Variants in SLC2A2 observed in about 807,000 individuals in gnomAD.
SLC2A2 encodes solute carrier family 2 member 2.
Under a neutral mutation model 54.5 loss-of-function variants are expected in SLC2A2, and 36 were observed. The ratio of observed to expected loss-of-function variants is 0.66; its 90% confidence interval spans 0.51 to 0.87. SLC2A2 has a LOEUF of 0.87. Among genes scored for constraint, SLC2A2 ranks in the 40% least tolerant of loss-of-function variants. The pLI, the probability that SLC2A2 is intolerant of heterozygous loss-of-function variation, is 0.00. For missense variants in SLC2A2, 543 were observed against 624.3 expected (o/e 0.87, Z 1.39); for synonymous variants, 223 against 219.1 (o/e 1.02, Z -0.16).
chr3:171,005,139 A>C, intron 7 of SLC2A2, 146 bp downstream of exon 7: 1 of 716,486 alleles, frequency 1.4e-6, no homozygotes, highest in Non-Finnish European at 2.4e-6. Context: ...AATGGAAATT[A>C]ATGCTTACTC....
At chr3:171,021,856 T>C (rs1287119346) in intron 1 of SLC2A2, among the ~76,000 whole-genome samples, 1 of 152,198 alleles carries the variant, frequency 6.6e-6, no homozygotes, top group Admixed American at 6.5e-5. Flanking sequence ...CTTTCTTTCC[T>C]CTTTATAGCC....
chr3:171,007,981 C>T (rs1342912202), intron 4 of SLC2A2, among the ~76,000 whole-genome samples: 1 of 152,092 alleles, frequency 6.6e-6, no homozygotes, highest in Non-Finnish European at 1.5e-5. Context: ...ATTCTGCCTT[C>T]TGAAGCTTTC....
intron 6 of SLC2A2, 101 bp from the exon 7 acceptor site, chr3:171,005,573 A>G (rs1270222107): frequency 3.3e-6 from 3 of 896,850 alleles, no homozygotes; most frequent in South Asian, 2.9e-5. Flanking sequence ...GCCCCATTGT[A>G]TTACTTAATA....
chr3:171,019,583 G>T (rs1260733558), intron 1 of SLC2A2, among the ~76,000 whole-genome samples: 1 of 151,984 alleles, frequency 6.6e-6, no homozygotes, highest in Non-Finnish European at 1.5e-5. Context: ...ATTTTTTTGT[G>T]CATGTGATAG....
intron 4 of SLC2A2, among the ~76,000 whole-genome samples, chr3:171,009,096 G>A (rs1191043255): frequency 6.6e-6 from 1 of 152,040 alleles, no homozygotes; most frequent in East Asian, 1.9e-4. Flanking sequence ...GTGAAAATGG[G>A]TTAAAATCTC....
Position 171,005,398 on chromosome 3 carries a change from A to G in SLC2A2, c.850T>C (p.Ser284Pro). The change falls in exon 7 of 11, where the codon TCG becomes CCG. Residue 284 changes from serine (S) to proline (P), a missense_variant. Ser to Pro is a moderately conservative substitution (Grantham distance 74). Around this residue, in one of 3 missense-constraint regions of SLC2A2, gnomAD observed 318 missense variants for 343.8 expected, o/e 0.93. Transcript: ENST00000314251. The part of the protein sequence containing the change: ...NEMRKEREEA[S>P]SEQKVSIIQL... The stretch of plus-strand genomic sequence containing the variant: ...ATTATAGAGACTTTCTGCTCACTCG[A>G]TGCTTCTTCTCTTTCTTTTCTCATT... 1 of 1,612,694 alleles carries G rather than the reference A, an allele frequency of 6.2e-7. No individual in the cohort carries two copies. Among genetic ancestry groups the G allele is most frequent in the Non-Finnish European group, 8.5e-7 (1 of 1,179,176 alleles).
chr3:171,012,270 G>T (rs959852778), intron 3 of SLC2A2, among the ~76,000 whole-genome samples: 1 of 152,236 alleles, frequency 6.6e-6, no homozygotes. Context: ...ATTGCAGATG[G>T]GAGGAAAACG....
At position 170,999,093 on chromosome 3, in the gene SLC2A2, A is replaced by T. The variant is rs750782646; in HGVS notation, c.1142T>A (p.Ile381Asn). The change falls in exon 9 of 11, where the codon ATC (isoleucine) becomes AAC (asparagine). Residue 381 changes from isoleucine to asparagine, a missense_variant. Transcript: ENST00000314251. ...IGMSGMFVCA[I>N]FMSVGLVLLN... ...CAGCACAAGTCCCACTGACATGAAGATGGCACAAACAAACATCCCACTCAT... is the reference window on the plus strand; with the variant it reads ...CAGCACAAGTCCCACTGACATGAAGTTGGCACAAACAAACATCCCACTCAT... 8 of 1,612,846 alleles carry T rather than the reference A, an allele frequency of 5.0e-6. No individual in the cohort carries two copies. The Admixed American group carries it at 1.2e-4, about 24-fold the overall frequency.
chr3:171,005,281 T>G lies in SLC2A2; in HGVS notation c.963+4A>C, dbSNP rs766886215. On this transcript the variant is annotated splice_donor_region_variant and intron_variant, in intron 7 of 10. Transcript: ENST00000314251. ...TAAGAGTTAGTGGGTGTTCTTAAAC[T>G]TACGCCATTGATTCCGGAAAATTGC... 6.2e-7 allele frequency: 1 copy of G among 1,612,386 alleles called. No homozygotes were observed. The highest frequency in any genetic ancestry group is 8.5e-7 in the Non-Finnish European group (1 of 1,178,752).
rs185726034 is a variant in SLC2A2, at chr3:170,996,817, C to T, written c.*1086G>A. On this transcript the variant is annotated 3_prime_UTR_variant, in exon 11 of 11. Transcript: ENST00000314251. ...ACACACCATAAAACAATCAGTCTTT[C>T]CAGGAAAATTAAATAGGGATTTTGA... 20 of 393,766 alleles carry T rather than the reference C, an allele frequency of 5.1e-5. No homozygotes were observed. Among genetic ancestry groups the T allele is most frequent in the Non-Finnish European group, 6.3e-5 (14 of 223,258 alleles). 24.4% of individuals were successfully genotyped at this position (393,766 alleles called of 1,614,324 possible).
chr3:171,002,440 T>C (rs1229832982), intron 8 of SLC2A2, 136 bp downstream of exon 8: 1 of 695,780 alleles, frequency 1.4e-6, no homozygotes, highest in Non-Finnish European at 2.7e-6. Context: ...ACTCTTCTCA[T>C]GACTCACTTG....
At chr3:171,025,948 A>G (rs904432054) in intron 1 of SLC2A2, among the ~76,000 whole-genome samples, 1 of 152,122 alleles carries the variant, frequency 6.6e-6, no homozygotes, top group African/African-American at 2.4e-5. Flanking sequence ...AACATTCACC[A>G]ATTTGTTGAT....
chr3:171,007,869 C>A (rs1715684703), intron 4 of SLC2A2, among the ~76,000 whole-genome samples: 1 of 152,044 alleles, frequency 6.6e-6, no homozygotes. Context: ...CAGGGAAACC[C>A]AGCTTCTTTA....
Position 171,022,097 on chromosome 3 carries a change from C to A in SLC2A2, c.16-3474G>T, listed in dbSNP as rs766822012. On this transcript the variant is annotated intron_variant, in intron 1 of 10. Transcript: ENST00000314251. ...TGCAGCTGTGGACTTCTTTGGAGGA[C>A]GATTATTCTGTCTACCACATTCTTC... Among the ~76,000 whole-genome samples the A allele has an allele frequency of 2.0e-5, 3 of 152,270 alleles. No homozygotes were observed. In the East Asian group the frequency reaches 5.8e-4, roughly 29 times the overall value.
intron 2 of SLC2A2, among the ~76,000 whole-genome samples, chr3:171,017,157 T>C (rs1716191808): frequency 6.6e-6 from 1 of 151,972 alleles, no homozygotes; most frequent in Non-Finnish European, 1.5e-5. Flanking sequence ...CGGCCAGGGA[T>C]GGTTCAATTA....
chr3:171,024,072 G>A (rs1475611333), intron 1 of SLC2A2, among the ~76,000 whole-genome samples: 1 of 152,110 alleles, frequency 6.6e-6, no homozygotes, highest in African/African-American at 2.4e-5. Flanking sequence ...AGTCAGAAAA[G>A]CTCCAAAAGA....
At chr3:171,007,827 A>C (rs1333722112) in intron 4 of SLC2A2, among the ~76,000 whole-genome samples, 1 of 152,082 alleles carries the variant, frequency 6.6e-6, no homozygotes, top group Non-Finnish European at 1.5e-5. Context: ...GAAGAGGTTA[A>C]GGATCTTAAG....
chr3:170,997,582 AAAT>A lies in SLC2A2; in HGVS notation c.*318_*320del. The A allele has an allele frequency of 3.9e-6, 1 of 256,282 alleles. No homozygotes were observed. The highest frequency in any genetic ancestry group is 6.1e-5 in the South Asian group (1 of 16,334). 15.9% of individuals were successfully genotyped at this position (256,282 alleles called of 1,614,324 possible). A position where few individuals can be genotyped will look rare whatever the true frequency, so the allele number is the denominator to read the frequency against. On this transcript the variant is annotated 3_prime_UTR_variant, in exon 11 of 11. Transcript: ENST00000314251. ...TCAGGTTTCTAGTTATGTGTTAAAA[AAAT>A]GATATGTTGAAATCTCTTCAATTTT...
chr3:171,014,019 G>A (rs1253524650), intron 3 of SLC2A2, among the ~76,000 whole-genome samples: 3 of 152,188 alleles, frequency 2.0e-5, no homozygotes, highest in African/African-American at 4.8e-5. Flanking sequence ...GATGTTGACT[G>A]AACCTTTGAA....
Sources: gnomAD v4.1 joint callset for allele counts (sites outside exome capture counted in the v4.1 genomes callset) on GRCh38, gnomAD v4.1.1 for gene constraint, gnomAD v4.1.1 regional missense constraint, MANE v1.5 for transcripts, NCBI Gene and HGNC (gene_info 2026-07-23, HGNC 2026-07-21) for gene names.